PDE3A: variants seen among roughly 807,000 people sequenced by gnomAD.
PDE3A encodes cGMP-inhibited 3',5'-cyclic phosphodiesterase 3A.
PDE3A carries 43 observed loss-of-function variants against 98.3 expected under a neutral mutation model. The observed-to-expected ratio is 0.44, with a 90% CI of 0.34 to 0.56. The LOEUF (loss-of-function observed/expected upper bound fraction) is 0.56, where lower values mean the gene tolerates loss of function less well. Among genes scored for constraint, PDE3A ranks in the 20% least tolerant of loss-of-function variants. PDE3A has a pLI of 0.01. For missense variants in PDE3A, 1,427 were observed against 1,440.7 expected (o/e 0.99, Z 0.15); for synonymous variants, 663 against 567.9 (o/e 1.17, Z -2.38).
At chr12:20,577,282 A>ATG (rs1293355940) in intron 2 of PDE3A, among the ~76,000 whole-genome samples, 57 of 152,278 alleles carry the variant, frequency 3.7e-4, no homozygotes, top group Middle Eastern at 6.8e-3. Flanking sequence ...CACGCAATCC[A>ATG]TGTGGGTCAA....
intron 1 of PDE3A, among the ~76,000 whole-genome samples, chr12:20,553,847 A>T (rs1256688728): frequency 5.3e-5 from 8 of 151,858 alleles, no homozygotes; most frequent in African/African-American, 7.2e-5. Flanking sequence ...AATTATTGAA[A>T]ATGTCAACCA....
intron 1 of PDE3A, among the ~76,000 whole-genome samples, chr12:20,453,028 A>AGG (rs1420064166): frequency 6.6e-6 from 1 of 152,184 alleles, no homozygotes; most frequent in Non-Finnish European, 1.5e-5. Context: ...TTCAGAAAGA[A>AGG]TGCCATGTAC....
At chr12:20,628,178 T>A (rs1050140786) in intron 5 of PDE3A, among the ~76,000 whole-genome samples, 4 of 152,212 alleles carry the variant, frequency 2.6e-5, no homozygotes, top group African/African-American at 4.8e-5. Flanking sequence ...TTTCCTTTTT[T>A]AAAAATATTT....
chr12:20,386,221 A>T (rs1337086619), intron 1 of PDE3A, among the ~76,000 whole-genome samples: 1 of 38,882 alleles, frequency 2.6e-5, no homozygotes, highest in Non-Finnish European at 4.9e-5. Context: ...ATAAATATAT[A>T]AAAAATAAAA....
intron 2 of PDE3A, among the ~76,000 whole-genome samples, chr12:20,605,745 A>G (rs1344891156): frequency 1.3e-5 from 2 of 152,216 alleles, no homozygotes; most frequent in African/African-American, 4.8e-5. Flanking sequence ...CTACTAGGTT[A>G]TCTAGATAAT....
rs149016836 is a variant in PDE3A, at chr12:20,375,516, G to A, written c.960+5272G>A. ...GAGGAAGATGTGTTGTATGACAATC[G>A]TAAAAAATATTAGTTGACCATACCT... On this transcript the variant is annotated intron_variant, in intron 1 of 15. Coordinates refer to ENST00000359062, the MANE Select transcript of PDE3A (RefSeq NM_000921.5). 1.2e-3 allele frequency among the ~76,000 whole-genome samples: 175 copies of A among 151,936 alleles called. 1 individual carries two copies. The South Asian group carries it at 0.012, about 10-fold the overall frequency.
At chr12:20,586,913 A>AT (rs61398487) in intron 2 of PDE3A, among the ~76,000 whole-genome samples, 1 of 151,704 alleles carries the variant, frequency 6.6e-6, no homozygotes, top group African/African-American at 2.4e-5. Context: ...TCAGATATGT[A>AT]TTTTTTTTAC....
intron 1 of PDE3A, among the ~76,000 whole-genome samples, chr12:20,523,991 A>G (rs1364984313): frequency 6.6e-6 from 1 of 152,194 alleles, no homozygotes; most frequent in Non-Finnish European, 1.5e-5. Flanking sequence ...AAAAATTTAA[A>G]GGGAGGAATG....
intron 5 of PDE3A, 110 bp downstream of exon 5, chr12:20,621,521 G>T: frequency 9.6e-6 from 6 of 624,188 alleles, no homozygotes; most frequent in East Asian, 2.8e-5. Context: ...AGATATGTTT[G>T]GTTTGTCTAT....
intron 5 of PDE3A, among the ~76,000 whole-genome samples, chr12:20,623,840 G>GAATTTATGATGGATGTATTCTAGA (rs1354608109): frequency 2.7e-4 from 41 of 151,896 alleles, no homozygotes; most frequent in South Asian, 8.3e-4. Context: ...ATTCTAGAAA[G>GAATTTATGATGGATGTATTCTAGA]AAGAAGAAGA....
intron 1 of PDE3A, among the ~76,000 whole-genome samples, chr12:20,509,427 C>T (rs1946177657): frequency 6.6e-6 from 1 of 151,990 alleles, no homozygotes; most frequent in Admixed American, 6.6e-5. Context: ...GTTTCTGTTG[C>T]CCTAATTAAG....
intron 1 of PDE3A, among the ~76,000 whole-genome samples, chr12:20,442,152 A>G (rs1944880685): frequency 6.6e-6 from 1 of 152,226 alleles, no homozygotes. Context: ...CTACACCAAA[A>G]TGGAATTCAG....
At chr12:20,452,398 ATC>A (rs916561260) in intron 1 of PDE3A, among the ~76,000 whole-genome samples, 3 of 152,072 alleles carry the variant, frequency 2.0e-5, no homozygotes. Flanking sequence ...CATCTTCAAT[ATC>A]TCTCTCTCTC....
chr12:20,383,906 G>T (rs1274137164), intron 1 of PDE3A, among the ~76,000 whole-genome samples: 1 of 151,972 alleles, frequency 6.6e-6, no homozygotes, highest in South Asian at 2.1e-4. Flanking sequence ...CATATTCTCT[G>T]TGTTGAGTGA....
At chr12:20,400,053 G>A (rs1041779423) in intron 1 of PDE3A, among the ~76,000 whole-genome samples, 2 of 152,038 alleles carry the variant, frequency 1.3e-5, no homozygotes, top group Non-Finnish European at 2.9e-5. Context: ...TAGCCCTGTC[G>A]TGTTTTCTTC....
intron 1 of PDE3A, among the ~76,000 whole-genome samples, chr12:20,374,961 G>C (rs111558451): frequency 2.6e-5 from 4 of 152,038 alleles, no homozygotes; most frequent in African/African-American, 9.6e-5. Context: ...TTTGCATTGG[G>C]CGATGGGGAA....
intron 1 of PDE3A, among the ~76,000 whole-genome samples, chr12:20,495,375 T>C (rs1389242136): frequency 6.6e-6 from 1 of 152,148 alleles, no homozygotes; most frequent in East Asian, 1.9e-4. Context: ...GCTCAGTGTT[T>C]TGAAAGGTAG....
intron 15 of PDE3A, among the ~76,000 whole-genome samples, chr12:20,671,656 A>C (rs2120426976): frequency 6.6e-6 from 1 of 150,472 alleles, no homozygotes; most frequent in Admixed American, 6.6e-5. Context: ...ACAACCCTTC[A>C]TGCTAAAAAC....
rs539067043 is a variant in PDE3A, at chr12:20,650,224, T to C, written c.2770-221T>C. On this transcript the variant is annotated intron_variant, in intron 13 of 15. Transcript: ENST00000359062. ...ACACACTCACCCTGTCACCCATTAT[T>C]ATAATTTTATCCATAATTCGTTATT... Among the ~76,000 whole-genome samples, 247 of 147,618 alleles carry C rather than the reference T, an allele frequency of 1.7e-3. 2 individuals are homozygous for C. Among genetic ancestry groups the C allele is most frequent in the African/African-American group, 5.8e-3 (233 of 40,268 alleles).
Sources: allele counts gnomAD v4.1 joint callset (sites outside exome capture counted in the v4.1 genomes callset), GRCh38; gene constraint gnomAD v4.1.1; transcripts MANE v1.5; gene names NCBI Gene and HGNC (gene_info 2026-07-23, HGNC 2026-07-21).